REV1: variants seen among roughly 807,000 people sequenced by gnomAD.
The protein encoded by REV1 is REV1 DNA directed polymerase.
Under a neutral mutation model 137.4 loss-of-function variants are expected in REV1, and 42 were observed. That is an observed-to-expected ratio of 0.31 (90% CI 0.24 to 0.40). The LOEUF (loss-of-function observed/expected upper bound fraction) is 0.40, where lower values mean the gene tolerates loss of function less well. REV1 is among the 10% of genes least tolerant of loss of function. The probability of loss-of-function intolerance (pLI) is 1.00; values close to 1 mark genes in which losing one functional copy is unlikely to be tolerated. For synonymous variants in REV1, 524 were observed against 519.2 expected, an observed-to-expected ratio of 1.01 and a Z score of -0.12; for missense variants, 1,282 against 1,490.1, an observed-to-expected ratio of 0.86 and a Z score of 2.30.
At chr2:99,458,349 CATT>C (rs1387674327) in intron 3 of REV1, among the ~76,000 whole-genome samples, 1 of 152,128 alleles carries the variant, frequency 6.6e-6, no homozygotes, top group African/African-American at 2.4e-5. Context: ...GAATGTTCAA[CATT>C]ATTAGCCACG....
Position 99,402,345 on chromosome 2 carries a change from A to C in REV1, c.3543T>G (p.Asp1181Glu). Residue 1181 changes from aspartate to glutamate, a missense_variant and splice_region_variant, in exon 22 of 23, where the codon GAT (aspartate) becomes GAG (glutamate). This residue lies in a region of REV1 where 170 missense variants were observed against 156.8 expected (regional missense o/e 1.08). Coordinates refer to ENST00000258428, the MANE Select transcript of REV1 (RefSeq NM_016316.4). Reference sequence around the variant, plus strand: ...CTTGGAGAATGTCTTCTTCCATTGGATCTAGGAAGGGGGAAAAACTTCAAA... The same window carrying C: ...CTTGGAGAATGTCTTCTTCCATTGGCTCTAGGAAGGGGGAAAAACTTCAAA... ...LLREWITTIS[D>E]PMEEDILQVV... 1 of 1,458,112 alleles carries C rather than the reference A, an allele frequency of 6.9e-7. No individual in the cohort carries two copies. The highest frequency in any genetic ancestry group is 9.5e-7 in the Non-Finnish European group (1 of 1,052,422). 90.3% of individuals were successfully genotyped at this position (1,458,112 alleles called of 1,614,324 possible). A position where few individuals can be genotyped will look rare whatever the true frequency, so the allele number is the denominator to read the frequency against.
intron 3 of REV1, 54 bp downstream of exon 3, chr2:99,462,442 C>A: frequency 6.6e-7 from 1 of 1,506,412 alleles, no homozygotes; most frequent in Non-Finnish European, 9.0e-7. Flanking sequence ...ACAAATCATT[C>A]TCAATCCTAA....
chr2:99,436,119 TAA>T (rs1004697910), intron 6 of REV1, among the ~76,000 whole-genome samples, 178 bp from the exon 7 acceptor site: 5 of 101,432 alleles, frequency 4.9e-5, no homozygotes, highest in African/African-American at 1.7e-4. Context: ...CAAATTTAAT[TAA>T]GTCTCTAATT....
In REV1 at chr2:99,435,855, G is replaced by A; in HGVS notation, c.1300C>T (p.Arg434Ter). Residue 434 changes from arginine (R) to a stop codon, truncating the protein, a stop_gained, in exon 7 of 23, where the codon CGA becomes TGA. Coordinates refer to ENST00000258428, the MANE Select transcript of REV1 (RefSeq NM_016316.4). LOFTEE classifies it high-confidence loss of function. ...AGACCTTTGAGATCTGGTCTATTTC[G>A]TATACCCACTGATACAAAGAAGCAA... ...MDCFFVSVGI[R>*]NRPDLKGKPV... The A allele has an allele frequency of 6.3e-7, 1 of 1,592,402 alleles. No individual in the cohort carries two copies. Among genetic ancestry groups the A allele is most frequent in the Non-Finnish European group, 8.6e-7 (1 of 1,161,908 alleles).
chr2:99,483,087 T>G (rs567936784), intron 1 of REV1, among the ~76,000 whole-genome samples: 1 of 151,930 alleles, frequency 6.6e-6, no homozygotes, highest in Non-Finnish European at 1.5e-5. Flanking sequence ...GTTAAAACAT[T>G]TGTAAAGTTC....
chr2:99,401,436 A>C, intron 22 of REV1, 84 bp from the exon 23 acceptor site: 4 of 890,762 alleles, frequency 4.5e-6, no homozygotes, highest in Admixed American at 2.8e-5. Context: ...ATAAAAATTG[A>C]CTTTGGCAAA....
In REV1 at chr2:99,439,248, C is replaced by A; in HGVS notation, c.566G>T (p.Trp189Leu). 5 of 1,614,080 alleles carry A rather than the reference C, an allele frequency of 3.1e-6. No individual in the cohort carries two copies. The highest frequency in any genetic ancestry group is 4.2e-6 in the Non-Finnish European group (5 of 1,179,996). Residue 189 changes from tryptophan to leucine, a missense_variant, in exon 6 of 23, where the codon TGG becomes TTG. This residue lies in a region of REV1 where 432 missense variants were observed against 438.0 expected (regional missense o/e 0.99). Coordinates refer to ENST00000258428, the MANE Select transcript of REV1 (RefSeq NM_016316.4). ...NEVKVNGMNS[W>L]NEEDENNDFS... ...ATCATTATTTTCATCTTCTTCATTC[C>A]AACTGTTCATGCCATTGACTTTGAC...
intron 8 of REV1, chr2:99,431,758 A>G: frequency 1.0e-6 from 1 of 985,540 alleles, no homozygotes; most frequent in Non-Finnish European, 1.2e-6. Flanking sequence ...ACAGTGCAGC[A>G]GAGTGCGTGG....
chr2:99,476,068 T>C (rs901388209), intron 1 of REV1, among the ~76,000 whole-genome samples: 3 of 152,210 alleles, frequency 2.0e-5, no homozygotes, highest in African/African-American at 7.2e-5. Flanking sequence ...ACATACATAT[T>C]ATGCAACTTT....
intron 9 of REV1, among the ~76,000 whole-genome samples, chr2:99,426,702 C>G (rs1679420438): frequency 6.6e-6 from 1 of 152,122 alleles, no homozygotes; most frequent in Non-Finnish European, 1.5e-5. Context: ...CAAAGTGTCT[C>G]AAAGTGTCTC....
At chr2:99,402,468 G>A (rs1040505045) in intron 21 of REV1, 122 bp from the exon 22 acceptor site, 3 of 807,158 alleles carry the variant, frequency 3.7e-6, no homozygotes, top group East Asian at 2.7e-5. Flanking sequence ...TCAAAGGAAT[G>A]GGCTTTGTTA....
chr2:99,427,422 A>G (rs1679533262), intron 9 of REV1, among the ~76,000 whole-genome samples: 1 of 152,212 alleles, frequency 6.6e-6, no homozygotes, highest in African/African-American at 2.4e-5. Context: ...TAGGCCAACT[A>G]CTAACAGCAG....
intron 3 of REV1, among the ~76,000 whole-genome samples, chr2:99,453,253 G>A (rs1352674329): frequency 6.6e-6 from 1 of 151,894 alleles, no homozygotes; most frequent in African/African-American, 2.4e-5. Flanking sequence ...CAGCTACTCA[G>A]GAGGCTGAGG....
At chr2:99,445,679 C>T (rs993760359) in intron 4 of REV1, among the ~76,000 whole-genome samples, 9 of 152,178 alleles carry the variant, frequency 5.9e-5, no homozygotes, top group Admixed American at 1.3e-4. Flanking sequence ...TAAACCATTA[C>T]TTTTAATACA....
intron 3 of REV1, among the ~76,000 whole-genome samples, chr2:99,459,979 T>G (rs1683996632): frequency 6.6e-6 from 1 of 152,160 alleles, no homozygotes; most frequent in South Asian, 2.1e-4. Context: ...TGGTTAAGAA[T>G]CAACAAGAAG....
chr2:99,464,653 G>GT (rs1396214969), intron 2 of REV1, among the ~76,000 whole-genome samples: 1 of 152,056 alleles, frequency 6.6e-6, no homozygotes, highest in Non-Finnish European at 1.5e-5. Flanking sequence ...CTGTTTTTCT[G>GT]TATTATTAGC....
chr2:99,403,921 T>A, intron 18 of REV1, 106 bp from the exon 19 acceptor site: 1 of 1,370,818 alleles, frequency 7.3e-7, no homozygotes, highest in Non-Finnish European at 1.0e-6. Flanking sequence ...ACTTTTCTGA[T>A]CTGTACGAAT....
intron 6 of REV1, chr2:99,436,755 T>C (rs1003070197): frequency 1.3e-5 from 2 of 152,214 alleles, no homozygotes; most frequent in African/African-American, 2.4e-5. Context: ...AGTCTCATCC[T>C]TAGCCTGTTC....
At chr2:99,442,792 A>C (rs576723123) in intron 4 of REV1, among the ~76,000 whole-genome samples, 2 of 152,360 alleles carry the variant, frequency 1.3e-5, no homozygotes, top group South Asian at 4.1e-4. Flanking sequence ...AATAAACTGA[A>C]TAAGGATGCT....
Sources: gnomAD v4.1 joint callset for allele counts (sites outside exome capture counted in the v4.1 genomes callset) on GRCh38, gnomAD v4.1.1 for gene constraint, gnomAD v4.1.1 regional missense constraint, MANE v1.5 for transcripts, NCBI Gene and HGNC (gene_info 2026-07-23, HGNC 2026-07-21) for gene names.